Variants in VEPH1 observed in about 807,000 individuals in gnomAD.
The protein encoded by VEPH1 is ventricular zone expressed PH domain containing 1.
Under a neutral mutation model 85.2 loss-of-function variants are expected in VEPH1, and 80 were observed. The ratio of observed to expected loss-of-function variants is 0.94; its 90% CI spans 0.78 to 1.13. The LOEUF is 1.13. VEPH1 is among the 50% of genes most tolerant of loss of function. The pLI, the probability that VEPH1 is intolerant of heterozygous loss-of-function variation, is 0.00. For synonymous variants in VEPH1, 297 were observed against 348.0 expected (o/e 0.85, Z 1.63); for missense variants, 955 against 980.5 (o/e 0.97, Z 0.35).
At chr3:157,417,529 A>C (rs1260969320) in intron 5 of VEPH1, among the ~76,000 whole-genome samples, 1 of 152,066 alleles carries the variant, frequency 6.6e-6, no homozygotes, top group Non-Finnish European at 1.5e-5. Flanking sequence ...GACTTTCAAA[A>C]ATTTCTCATG....
intron 2 of VEPH1, chr3:157,489,115 AG>A (rs1455889125): frequency 2.2e-6 from 1 of 456,454 alleles, no homozygotes; most frequent in Admixed American, 2.4e-5. Flanking sequence ...TTATTTCAGT[AG>A]CCACTCAACT....
intron 4 of VEPH1, among the ~76,000 whole-genome samples, chr3:157,450,092 G>C (rs961511981): frequency 1.2e-5 from 1 of 86,510 alleles, no homozygotes; most frequent in Non-Finnish European, 2.1e-5. Context: ...GGCTTGTTCT[G>C]TCACCCATGC....
intron 10 of VEPH1, 80 bp downstream of exon 10, chr3:157,316,982 A>G: frequency 2.8e-6 from 4 of 1,444,404 alleles, no homozygotes; most frequent in Non-Finnish European, 3.7e-6. Flanking sequence ...CTCTGGCCAA[A>G]GAATAATTCA....
chr3:157,302,431 T>C (rs1042702046), intron 11 of VEPH1, among the ~76,000 whole-genome samples: 4 of 152,114 alleles, frequency 2.6e-5, no homozygotes, highest in African/African-American at 9.7e-5. Context: ...AGGGGAGGCC[T>C]TTGGGAGGTA....
chr3:157,345,269 A>G (rs1724084552), intron 9 of VEPH1, among the ~76,000 whole-genome samples: 1 of 152,234 alleles, frequency 6.6e-6, no homozygotes, highest in African/African-American at 2.4e-5. Context: ...AATTTTTGCA[A>G]TCTACTCATC....
chr3:157,396,349 AT>A (rs1397455198), intron 6 of VEPH1, among the ~76,000 whole-genome samples: 1 of 152,200 alleles, frequency 6.6e-6, no homozygotes, highest in African/African-American at 2.4e-5. Flanking sequence ...ATTGATGGGC[AT>A]TTGTGTTGAT....
intron 6 of VEPH1, among the ~76,000 whole-genome samples, chr3:157,389,473 A>G (rs1729628699): frequency 6.6e-6 from 1 of 152,184 alleles, no homozygotes. Context: ...GGGACAACTG[A>G]AGTTTTTTGC....
intron 4 of VEPH1, 110 bp from the exon 5 acceptor site, chr3:157,428,598 C>T: frequency 1.0e-6 from 1 of 982,068 alleles, no homozygotes; most frequent in African/African-American, 1.6e-5. Context: ...ATAGCACAGA[C>T]TGATGGCCAA....
intron 6 of VEPH1, among the ~76,000 whole-genome samples, chr3:157,401,783 T>C (rs977396910): frequency 6.6e-6 from 1 of 152,074 alleles, no homozygotes; most frequent in Non-Finnish European, 1.5e-5. Flanking sequence ...TGAACTGCCT[T>C]AACTGCTTTC....
At chr3:157,262,178 T>C (rs1203478315) in intron 13 of VEPH1, among the ~76,000 whole-genome samples, 1 of 152,122 alleles carries the variant, frequency 6.6e-6, no homozygotes, top group Non-Finnish European at 1.5e-5. Context: ...TTTTGTCCAA[T>C]GTAAACAAAT....
chr3:157,334,965 G>T (rs528357000), intron 9 of VEPH1, among the ~76,000 whole-genome samples: 1 of 152,126 alleles, frequency 6.6e-6, no homozygotes, highest in African/African-American at 2.4e-5. Context: ...CAGGTTATTC[G>T]CCTTTCTATT....
intron 9 of VEPH1, among the ~76,000 whole-genome samples, chr3:157,340,319 C>T (rs1470839748): frequency 2.0e-5 from 3 of 152,230 alleles, no homozygotes; most frequent in Admixed American, 6.5e-5. Context: ...GGGTCATGCC[C>T]ACCCTAATAC....
chr3:157,316,995 A>G, intron 10 of VEPH1, 67 bp downstream of exon 10: 1 of 1,490,506 alleles, frequency 6.7e-7, no homozygotes, highest in Non-Finnish European at 9.0e-7. Context: ...ATAATTCAAT[A>G]AAAATGATTA....
intron 4 of VEPH1, among the ~76,000 whole-genome samples, chr3:157,448,117 G>A (rs1734689301): frequency 6.6e-6 from 1 of 151,936 alleles, no homozygotes; most frequent in African/African-American, 2.4e-5. Flanking sequence ...AAATGGGGGG[G>A]GGACAATTTT....
chr3:157,477,063 C>T (rs1737538374), intron 2 of VEPH1, among the ~76,000 whole-genome samples: 1 of 152,164 alleles, frequency 6.6e-6, no homozygotes, highest in Non-Finnish European at 1.5e-5. Flanking sequence ...ATAATTATCA[C>T]ATACCTACTG....
At chr3:157,468,416 T>C (rs1340876987) in intron 3 of VEPH1, among the ~76,000 whole-genome samples, 1 of 151,986 alleles carries the variant, frequency 6.6e-6, no homozygotes, top group Admixed American at 6.6e-5. Context: ...CTACTAAAAA[T>C]ATACAAAAAT....
chr3:157,423,987 A>C (rs1014300095), intron 5 of VEPH1, among the ~76,000 whole-genome samples: 1 of 152,128 alleles, frequency 6.6e-6, no homozygotes, highest in East Asian at 1.9e-4. Context: ...TTGGACTAAC[A>C]ATTCATATTC....
chr3:157,385,143 A>G (rs1729152022), intron 6 of VEPH1, among the ~76,000 whole-genome samples: 2 of 151,564 alleles, frequency 1.3e-5, no homozygotes, highest in South Asian at 4.2e-4. Context: ...TAGGAGACTA[A>G]CTTGCTCAAG....
At chr3:157,438,037 G>GCGCGCACA (rs1553786688) in intron 4 of VEPH1, 13 of 516,028 alleles carry the variant, frequency 2.5e-5, no homozygotes, top group South Asian at 2.2e-4. Context: ...GCGCGCGCGC[G>GCGCGCACA]CACACACACA....
Sources: gnomAD v4.1 joint callset for allele counts (sites outside exome capture counted in the v4.1 genomes callset) on GRCh38, gnomAD v4.1.1 for gene constraint, MANE v1.5 for transcripts, NCBI Gene and HGNC (gene_info 2026-07-23, HGNC 2026-07-21) for gene names.